GAD1: variants seen among roughly 807,000 people sequenced by gnomAD.
The protein encoded by GAD1 is 67 kDa glutamic acid decarboxylase.
GAD1 carries 35 observed loss-of-function variants against 75.2 expected under a neutral mutation model. That is an observed-to-expected ratio of 0.47 (90% CI 0.36 to 0.62). The LOEUF (loss-of-function observed/expected upper bound fraction) is 0.62, where lower values mean the gene tolerates loss of function less well. Among genes scored for constraint, GAD1 ranks in the 20% least tolerant of loss-of-function variants. The pLI is 0.00. For missense variants in GAD1, 490 were observed against 758.5 expected, an observed-to-expected ratio of 0.65 and a Z score of 4.16; for synonymous variants, 257 against 271.9, an observed-to-expected ratio of 0.95 and a Z score of 0.54.
intron 1 of GAD1, chr2:170,817,403 C>CGCTA (rs1409389299): frequency 2.0e-5 from 3 of 152,282 alleles, no homozygotes; most frequent in Admixed American, 6.5e-5. Flanking sequence ...CAGCCGAAGG[C>CGCTA]GCTACTAGGA....
rs1702928811 is a variant in GAD1, at chr2:170,860,016, A to G, written c.*134A>G. On this transcript the variant is annotated 3_prime_UTR_variant, in exon 17 of 17. Transcript: ENST00000358196. ...ATAATATCTTGAAGAATATTGTTAA[A>G]ACCTTACTTAAAGCTTGTTTGTTCT... 2 of 873,892 alleles carry G rather than the reference A, an allele frequency of 2.3e-6. No individual in the cohort carries two copies. The highest frequency in any genetic ancestry group is 3.7e-6 in the Non-Finnish European group (2 of 546,324). The allele number at this position is 873,892 out of a possible 1,614,324, so 54.1% of individuals were successfully genotyped here.
chr2:170,828,173 CCTCCTCTCTCTGCTGTCCTCACCT>C (rs1559271743), intron 3 of GAD1, among the ~76,000 whole-genome samples: 20 of 113,870 alleles, frequency 1.8e-4, no homozygotes, highest in East Asian at 2.8e-4. Context: ...CTGTCCTCGC[CCTCCTCTCTCTGCTGTCCTCACCT>C]CTCCTCTCTC....
chr2:170,816,916 G>A lies in GAD1; in HGVS notation c.-196G>A. 5.5e-6 allele frequency: 1 copy of A among 180,426 alleles called. No homozygotes were observed. The highest frequency in any genetic ancestry group is 1.2e-5 in the Non-Finnish European group (1 of 85,888). 11.2% of individuals were successfully genotyped at this position (180,426 alleles called of 1,614,324 possible). A position where few individuals can be genotyped will look rare whatever the true frequency, so the allele number is the denominator to read the frequency against. On this transcript the variant is annotated 5_prime_UTR_variant, in exon 1 of 17. Transcript: ENST00000358196. ...TCTCCTGGCGCTCGCGTGCGAGAGG[G>A]AACTAGCGAGAACGAGGAAGCAGCT... is the stretch of plus-strand genomic sequence containing the variant.
intron 10 of GAD1, among the ~76,000 whole-genome samples, 165 bp from the exon 11 acceptor site, chr2:170,847,511 T>A (rs1216673372): frequency 6.6e-6 from 1 of 152,222 alleles, no homozygotes; most frequent in East Asian, 1.9e-4. Flanking sequence ...AATGAATGAA[T>A]GAGTGAATGA....
Position 170,860,724 on chromosome 2 carries a change from T to C in GAD1, c.*842T>C, listed in dbSNP as rs1702947885. The C allele has an allele frequency of 6.6e-6, 1 of 152,666 alleles. No homozygotes were observed. Among genetic ancestry groups the C allele is most frequent in the Middle Eastern group, 3.2e-3 (1 of 316 alleles). 9.5% of individuals were successfully genotyped at this position (152,666 alleles called of 1,614,324 possible). A position where few individuals can be genotyped will look rare whatever the true frequency, so the allele number is the denominator to read the frequency against. On this transcript the variant is annotated 3_prime_UTR_variant, in exon 17 of 17. Transcript: ENST00000358196. ...GCATTTGTGAGCCAAAGAGAAAAGA[T>C]TAAAATTAGTGAGATTTGTATTTAT...
intron 6 of GAD1, among the ~76,000 whole-genome samples, chr2:170,843,350 C>A (rs919963942): frequency 3.3e-5 from 5 of 152,134 alleles, no homozygotes; most frequent in African/African-American, 4.8e-5. Context: ...GCCAGTTGAC[C>A]GTCTTCTTGT....
rs200808732 is a variant in GAD1 at position 170,829,576 on chromosome 2, G to A, written c.247G>A (p.Asp83Asn). ...GAACCTGCTTTCCTGTGAAAACAGC[G>A]ACCGGGATGCCCGCTTCCGGCGCAC... is the stretch of plus-strand genomic sequence containing the variant. ...SKNLLSCENSDRDARFRRTET... is the reference protein window; with the variant it reads ...SKNLLSCENSNRDARFRRTET... Residue 83 changes from aspartate to asparagine, a missense_variant, in exon 4 of 17, where the codon GAC becomes AAC. By Grantham distance (23) the Asp-to-Asn change is conservative. This residue lies in a region of GAD1 where 165 missense variants were observed against 216.4 expected (regional missense o/e 0.76). Transcript: ENST00000358196. The A allele has an allele frequency of 7.4e-5, 120 of 1,613,848 alleles. No individual in the cohort carries two copies. In the East Asian group the frequency reaches 2.6e-3, roughly 34 times the overall value.
intron 3 of GAD1, among the ~76,000 whole-genome samples, chr2:170,824,966 A>C (rs1400961730): frequency 6.8e-6 from 1 of 147,734 alleles, no homozygotes; most frequent in Admixed American, 6.8e-5. Flanking sequence ...ATGTGTGTGT[A>C]ATTTTGTATC....
chr2:170,821,281 G>C (rs1701872096), intron 2 of GAD1, among the ~76,000 whole-genome samples: 1 of 152,202 alleles, frequency 6.6e-6, no homozygotes, highest in African/African-American at 2.4e-5. Context: ...GAAGGCAGCA[G>C]GTAGACCTTG....
chr2:170,829,026 T>TCCTC, intron 3 of GAD1: 1 of 291,462 alleles, frequency 3.4e-6, no homozygotes, highest in Non-Finnish European at 6.6e-6. Context: ...GTCCTCACCC[T>TCCTC]CCTCCCTCAG....
intron 12 of GAD1, among the ~76,000 whole-genome samples, chr2:170,849,854 G>A (rs1702712319): frequency 6.6e-6 from 1 of 152,234 alleles, no homozygotes; most frequent in Non-Finnish European, 1.5e-5. Flanking sequence ...GCACAGGAAG[G>A]GCCACTGGTT....
intron 6 of GAD1, among the ~76,000 whole-genome samples, chr2:170,841,907 A>G (rs1304206209): frequency 6.6e-6 from 1 of 152,250 alleles, no homozygotes; most frequent in Non-Finnish European, 1.5e-5. Context: ...AAGGTTGAGA[A>G]TGGTGTCTTC....
chr2:170,848,692 T>G (rs1202748175), intron 11 of GAD1: 9 of 518,754 alleles, frequency 1.7e-5, no homozygotes, highest in Middle Eastern at 6.4e-4. Flanking sequence ...GGGATTTAAC[T>G]TCTCACAATT....
intron 4 of GAD1, among the ~76,000 whole-genome samples, chr2:170,830,440 C>T (rs968823988): frequency 6.6e-6 from 1 of 152,268 alleles, no homozygotes; most frequent in South Asian, 2.1e-4. Context: ...CCTGTCCCAC[C>T]TTCTTGAGCC....
chr2:170,844,908 T>C (rs1702599183), intron 7 of GAD1, among the ~76,000 whole-genome samples: 1 of 152,212 alleles, frequency 6.6e-6, no homozygotes, highest in Non-Finnish European at 1.5e-5. Flanking sequence ...TTAACTAGTT[T>C]GTGTTGGCCA....
Position 170,818,666 on chromosome 2 carries a change from C to A in GAD1, c.75C>A (p.Arg25=), listed in dbSNP as rs1364092284. Residue 25 remains arginine, a synonymous_variant, in exon 2 of 17, where the codon CGC becomes CGA. Transcript: ENST00000358196. This position sits in a 1 kb window ranked among gnomAD's most constrained non-coding sequence, Gnocchi z 5.9. ...AGADPNTTNL[R]PTTYDTWCGV... ...CGGACCCCAATACCACTAACCTGCG[C>A]CCCACAAGTAGGTCCCGCCCCAATT... 1 of 1,613,962 alleles carries A rather than the reference C, an allele frequency of 6.2e-7. No individual in the cohort carries two copies. The highest frequency in any genetic ancestry group is 1.3e-5 in the African/African-American group (1 of 74,924).
At chr2:170,856,711 T>C (rs1702860133) in intron 14 of GAD1, among the ~76,000 whole-genome samples, 1 of 152,230 alleles carries the variant, frequency 6.6e-6, no homozygotes, top group Admixed American at 6.5e-5. Flanking sequence ...GTTACAGTTG[T>C]GGAGTGGCCT....
At chr2:170,831,656 A>C (rs1702230550) in intron 5 of GAD1, among the ~76,000 whole-genome samples, 3 of 142,342 alleles carry the variant, frequency 2.1e-5, no homozygotes, top group Non-Finnish European at 4.6e-5. Context: ...TTTTATATAT[A>C]AATATTTATA....
At position 170,848,712 on chromosome 2, in the gene GAD1, G is replaced by T. The variant is rs774474762; in HGVS notation, c.1120-574G>T. The T allele has an allele frequency of 5.8e-6, 3 of 518,696 alleles. No homozygotes were observed. The Admixed American group carries it at 5.8e-5, about 10-fold the overall frequency. 32.1% of individuals were successfully genotyped at this position (518,696 alleles called of 1,614,324 possible). A position where few individuals can be genotyped will look rare whatever the true frequency, so the allele number is the denominator to read the frequency against. On this transcript the variant is annotated intron_variant, in intron 11 of 16. Transcript: ENST00000358196. ...TTAACTTCTCACAATTGGCCAATAG[G>T]ATCATCTGCCTTGCTACTGAACTAA...
Sources: allele counts gnomAD v4.1 joint callset (sites outside exome capture counted in the v4.1 genomes callset), GRCh38; gene constraint gnomAD v4.1.1; regional missense constraint gnomAD v4.1.1; non-coding constraint Gnocchi (gnomAD v3.1); transcripts MANE v1.5; gene names NCBI Gene and HGNC (gene_info 2026-07-23, HGNC 2026-07-21).